Variants in PDE8B observed in about 807,000 individuals in gnomAD.
The protein encoded by PDE8B is high affinity cAMP-specific and IBMX-insensitive 3',5'-cyclic phosphodiesterase 8B.
PDE8B carries 26 observed loss-of-function variants against 101.3 expected under a neutral mutation model. The observed-to-expected ratio is 0.26, with a 90% CI of 0.19 to 0.36. The LOEUF is 0.36. Among genes scored for constraint, PDE8B ranks in the 10% least tolerant of loss-of-function variants. The pLI, the probability that PDE8B is intolerant of heterozygous loss-of-function variation, is 1.00. For missense variants in PDE8B, 810 were observed against 1,163.1 expected, an observed-to-expected ratio of 0.70 and a Z score of 4.42; for synonymous variants, 424 against 429.3, an observed-to-expected ratio of 0.99 and a Z score of 0.15.
intron 1 of PDE8B, chr5:77,290,134 T>A: frequency 8.6e-7 from 1 of 1,159,418 alleles, no homozygotes. Flanking sequence ...TACCCCTAGT[T>A]CCACGTGTGG....
the PDE8B span, among the ~76,000 whole-genome samples, chr5:77,203,415 G>A: frequency 6.6e-6 from 1 of 152,286 alleles, no homozygotes; most frequent in East Asian, 1.9e-4. Context: ...TGAATTGTCT[G>A]AGGGCAAAGA....
upstream of PDE8B, among the ~76,000 whole-genome samples, chr5:77,207,747 C>T (rs1197745919): frequency 6.6e-6 from 1 of 152,150 alleles, no homozygotes; most frequent in Admixed American, 6.5e-5. Flanking sequence ...CCTCCACTTG[C>T]ACACTTCTGC....
the PDE8B span, among the ~76,000 whole-genome samples, chr5:77,110,109 T>C: frequency 6.6e-6 from 1 of 151,812 alleles, no homozygotes; most frequent in African/African-American, 2.4e-5. Flanking sequence ...CAGTAAGTTT[T>C]GTTTTTGTTT....
chr5:77,312,105 C>CTTTTTTTTTTTTTTTTTTTTT, intron 2 of PDE8B, 52 bp downstream of exon 2: 3 of 870,996 alleles, frequency 3.4e-6, no homozygotes, highest in East Asian at 2.9e-5. Flanking sequence ...TTTTTTTTTT[C>CTTTTTTTTTTTTTTTTTTTTT]TTTTTTTTTT....
the PDE8B span, among the ~76,000 whole-genome samples, chr5:77,163,713 C>T: frequency 6.6e-6 from 1 of 152,242 alleles, no homozygotes; most frequent in East Asian, 1.9e-4. Flanking sequence ...TTCATAGTCT[C>T]TGCCCAATTG....
the PDE8B span, among the ~76,000 whole-genome samples, chr5:77,108,935 G>A: frequency 1.3e-5 from 2 of 152,168 alleles, no homozygotes; most frequent in African/African-American, 4.8e-5. Flanking sequence ...GGGTTGGTAT[G>A]TTGCTTCTGC....
At chr5:77,123,537 C>A in the PDE8B span, among the ~76,000 whole-genome samples, 2 of 152,008 alleles carry the variant, frequency 1.3e-5, no homozygotes, top group Non-Finnish European at 2.9e-5. Flanking sequence ...GTGGGTAGAT[C>A]GCTTGAGCCC....
chr5:77,106,657 G>T, the PDE8B span, among the ~76,000 whole-genome samples: 1 of 151,906 alleles, frequency 6.6e-6, no homozygotes, highest in African/African-American at 2.4e-5. Context: ...TTTTTGACAG[G>T]GATTATGTTC....
intron 20 of PDE8B, among the ~76,000 whole-genome samples, chr5:77,424,222 CAGAG>C (rs201793292): frequency 6.6e-6 from 1 of 152,160 alleles, no homozygotes; most frequent in African/African-American, 2.4e-5. Context: ...CCCGGACCCA[CAGAG>C]AGAGGACCTG....
rs969640455 is a variant in PDE8B, at chr5:77,211,114, C to G, written c.189C>G (p.Ser63Arg). Residue 63 changes from serine (S) to arginine (R), a missense_variant, in exon 1 of 22, where the codon AGC (serine) becomes AGG (arginine). This residue lies in a region of PDE8B where 159 missense variants were observed against 146.6 expected (regional missense o/e 1.08). Coordinates refer to ENST00000264917, the MANE Select transcript of PDE8B (RefSeq NM_003719.5). The surrounding 1 kb of genome is among the most constrained non-coding windows in gnomAD (Gnocchi z 4.1). ...CGAGCCGCGCGTCGGGACCCCCCAG[C>G]GTAGCCCGCGTCCGCAGGGCCCGCA... ...IPPSRASGPPSVARVRRARTE... is the reference protein window; with the variant it reads ...IPPSRASGPPRVARVRRARTE... 2.7e-6 allele frequency: 4 copies of G among 1,504,570 alleles called. No homozygotes were observed. The highest frequency in any genetic ancestry group is 3.5e-6 in the Non-Finnish European group (4 of 1,134,148). The allele number at this position is 1,504,570 out of a possible 1,614,324, so 93.2% of individuals were successfully genotyped here. A position where few individuals can be genotyped will look rare whatever the true frequency, so the allele number is the denominator to read the frequency against.
the PDE8B span, among the ~76,000 whole-genome samples, chr5:77,096,387 C>T: frequency 6.6e-6 from 1 of 152,114 alleles, no homozygotes; most frequent in Non-Finnish European, 1.5e-5. Flanking sequence ...CCATTTCATG[C>T]CTACTATAAC....
intron 1 of PDE8B, chr5:77,291,445 C>T: frequency 1.2e-6 from 2 of 1,611,350 alleles, no homozygotes; most frequent in African/African-American, 1.3e-5. Context: ...GCCCACGATG[C>T]ATCCATTGCA....
chr5:77,160,450 G>A, the PDE8B span, among the ~76,000 whole-genome samples: 12 of 152,072 alleles, frequency 7.9e-5, no homozygotes, highest in Non-Finnish European at 1.3e-4. Flanking sequence ...AAAAATCCAC[G>A]TGTAAGTGGA....
chr5:77,191,314 T>C, the PDE8B span, among the ~76,000 whole-genome samples: 2 of 152,198 alleles, frequency 1.3e-5, no homozygotes, highest in Non-Finnish European at 2.9e-5. Context: ...TTTTTAAAAA[T>C]GAATTTTATT....
At chr5:77,366,453 C>T (rs9293712) in intron 10 of PDE8B, among the ~76,000 whole-genome samples, 10,535 of 152,190 alleles carry the variant, frequency 0.069, 564 homozygotes, top group South Asian at 0.14. Context: ...CCAGAGACAG[C>T]GGTTGTTGAG....
the PDE8B span, among the ~76,000 whole-genome samples, chr5:77,096,718 C>T: frequency 9.9e-3 from 1,504 of 152,306 alleles, 18 homozygotes; most frequent in African/African-American, 0.032. Flanking sequence ...AGCAGTACCT[C>T]GTGTTCCTCG....
the PDE8B span, among the ~76,000 whole-genome samples, chr5:77,125,173 AT>A: frequency 2.0e-3 from 305 of 151,482 alleles, 3 homozygotes; most frequent in Non-Finnish European, 3.8e-3. Flanking sequence ...TTTTATTTTA[AT>A]TTTTTTTTGT....
chr5:77,278,748 C>T (rs1305782776), intron 1 of PDE8B, among the ~76,000 whole-genome samples: 1 of 152,136 alleles, frequency 6.6e-6, no homozygotes, highest in Non-Finnish European at 1.5e-5. Flanking sequence ...CCCACCGCGC[C>T]AGGCCCAAAG....
chr5:77,224,547 G>A (rs192829374), intron 1 of PDE8B, among the ~76,000 whole-genome samples: 3 of 152,276 alleles, frequency 2.0e-5, no homozygotes, highest in Admixed American at 1.3e-4. Flanking sequence ...ATTTCAGTAT[G>A]TAACTCTGAA....
Sources: allele counts gnomAD v4.1 joint callset (sites outside exome capture counted in the v4.1 genomes callset), GRCh38; gene constraint gnomAD v4.1.1; regional missense constraint gnomAD v4.1.1; non-coding constraint Gnocchi (gnomAD v3.1); transcripts MANE v1.5; gene names NCBI Gene and HGNC (gene_info 2026-07-23, HGNC 2026-07-21).